Variants in PARD3B observed in about 807,000 individuals in gnomAD.
PARD3B encodes partitioning defective 3 homolog B.
A neutral mutation model predicts 130.2 loss-of-function variants in PARD3B; 103 were observed. The observed-to-expected ratio is 0.79, with a 90% CI of 0.67 to 0.93. The LOEUF is 0.93. PARD3B is among the 40% of genes least tolerant of loss of function. PARD3B has a pLI of 0.00. For missense variants in PARD3B, 1,609 were observed against 1,499.2 expected (o/e 1.07, Z -1.21); for synonymous variants, 583 against 553.2 (o/e 1.05, Z -0.76).
At chr2:205,024,166 T>TC (rs1200947309) in intron 3 of PARD3B, among the ~76,000 whole-genome samples, 8 of 130,246 alleles carry the variant, frequency 6.1e-5, no homozygotes, top group Non-Finnish European at 9.6e-5. Flanking sequence ...TTCTTTCTTT[T>TC]TTTTTTTTTT....
At chr2:204,602,282 C>G (rs1183026784) in intron 1 of PARD3B, among the ~76,000 whole-genome samples, 1 of 152,018 alleles carries the variant, frequency 6.6e-6, no homozygotes, top group East Asian at 1.9e-4. Flanking sequence ...CAAGGAACTT[C>G]TCTCCTCTCA....
In PARD3B at chr2:205,118,970, C is replaced by T. The variant is rs987442524; in HGVS notation, c.730C>T (p.Arg244Trp). 1.1e-5 allele frequency: 17 copies of T among 1,611,250 alleles called. No homozygotes were observed. Among genetic ancestry groups the T allele is most frequent in the African/African-American group, 5.4e-5 (4 of 74,656 alleles). ...CATTGAAGACAACAGCAGGTCCAAG[C>T]GGGAGGGACTATTTCACGAAAATGA... ...RGIEDNSRSK[R>W]EGLFHENECI... is the part of the protein sequence containing the mutation. The change falls in exon 7 of 23, where the codon CGG (arginine) becomes TGG (tryptophan). Residue 244 changes from arginine to tryptophan, a missense_variant. Arg to Trp is a moderately radical substitution (Grantham distance 101). Coordinates refer to ENST00000406610, the MANE Select transcript of PARD3B (RefSeq NM_001302769.2).
At chr2:204,945,721 C>T (rs1689266506) in intron 2 of PARD3B, among the ~76,000 whole-genome samples, 1 of 152,118 alleles carries the variant, frequency 6.6e-6, no homozygotes, top group Non-Finnish European at 1.5e-5. Flanking sequence ...AACACAAGCA[C>T]AAATTATAGG....
At chr2:205,333,061 A>C (rs1361927818) in intron 18 of PARD3B, among the ~76,000 whole-genome samples, 1 of 152,202 alleles carries the variant, frequency 6.6e-6, no homozygotes, top group African/African-American at 2.4e-5. Flanking sequence ...TAAGTTTGTA[A>C]AGTAAAACAA....
At chr2:204,612,490 A>G (rs2033964335) in intron 1 of PARD3B, among the ~76,000 whole-genome samples, 1 of 152,204 alleles carries the variant, frequency 6.6e-6, no homozygotes, top group African/African-American at 2.4e-5. Context: ...AAATTTACAA[A>G]TACATTTCTT....
chr2:204,891,493 C>T (rs947763962), intron 2 of PARD3B, among the ~76,000 whole-genome samples: 1 of 152,170 alleles, frequency 6.6e-6, no homozygotes, highest in African/African-American at 2.4e-5. Flanking sequence ...CACAGTGGGT[C>T]TTGCATAGTG....
At chr2:205,172,181 T>G in intron 11 of PARD3B, 30 bp from the exon 12 acceptor site, 4 of 1,608,182 alleles carry the variant, frequency 2.5e-6, no homozygotes, top group Non-Finnish European at 3.4e-6. Context: ...TTTTCTCTGT[T>G]GAATATTGTT....
At chr2:204,898,039 G>C (rs1231719594) in intron 2 of PARD3B, among the ~76,000 whole-genome samples, 2 of 151,824 alleles carry the variant, frequency 1.3e-5, no homozygotes, top group African/African-American at 4.8e-5. Flanking sequence ...TGGTGCACAT[G>C]TTATAAATGT....
chr2:205,382,304 A>G (rs965457099), intron 18 of PARD3B, among the ~76,000 whole-genome samples: 2 of 151,956 alleles, frequency 1.3e-5, no homozygotes, highest in Admixed American at 6.6e-5. Context: ...ATGTCACTCA[A>G]TTTGGGTTTT....
chr2:204,809,504 T>A (rs925436306), intron 2 of PARD3B, among the ~76,000 whole-genome samples: 1 of 152,194 alleles, frequency 6.6e-6, no homozygotes, highest in Non-Finnish European at 1.5e-5. Flanking sequence ...AGTTAGCCAG[T>A]TATCTCAGCA....
intron 20 of PARD3B, among the ~76,000 whole-genome samples, chr2:205,459,804 G>T (rs2048389920): frequency 6.6e-6 from 1 of 152,174 alleles, no homozygotes; most frequent in Non-Finnish European, 1.5e-5. Context: ...CGTGGCTCAT[G>T]TCTCAGTGTT....
intron 18 of PARD3B, among the ~76,000 whole-genome samples, chr2:205,398,494 A>C (rs537571441): frequency 3.0e-4 from 46 of 152,344 alleles, no homozygotes; most frequent in African/African-American, 9.4e-4. Context: ...GGTTCGCCAG[A>C]GTCCCAAGAC....
At chr2:204,876,422 T>C (rs535637647) in intron 2 of PARD3B, among the ~76,000 whole-genome samples, 5 of 152,326 alleles carry the variant, frequency 3.3e-5, no homozygotes, top group African/African-American at 7.2e-5. Context: ...ATTGGAGATA[T>C]GCTTCTATAG....
intron 2 of PARD3B, among the ~76,000 whole-genome samples, chr2:204,748,796 A>C (rs1443899691): frequency 2.0e-5 from 3 of 152,162 alleles, no homozygotes; most frequent in African/African-American, 7.2e-5. Flanking sequence ...TTGGATAATA[A>C]TTTAGAATAT....
chr2:205,005,058 A>G (rs932416899), intron 3 of PARD3B, among the ~76,000 whole-genome samples: 11 of 151,904 alleles, frequency 7.2e-5, no homozygotes, highest in African/African-American at 2.7e-4. Context: ...TGGTTTTCCT[A>G]TCTTTTTCTC....
At chr2:204,952,764 C>T (rs1467361654) in intron 2 of PARD3B, among the ~76,000 whole-genome samples, 1 of 151,932 alleles carries the variant, frequency 6.6e-6, no homozygotes, top group African/African-American at 2.4e-5. Flanking sequence ...TTCAGGAGGC[C>T]GAGGCAGGCG....
chr2:205,328,919 G>A (rs895910318), intron 18 of PARD3B, among the ~76,000 whole-genome samples: 12 of 152,066 alleles, frequency 7.9e-5, no homozygotes, highest in Non-Finnish European at 1.5e-4. Flanking sequence ...CACAGCAGAC[G>A]GTGAAATAGT....
At chr2:205,317,373 T>G (rs2042597674) in intron 18 of PARD3B, among the ~76,000 whole-genome samples, 4 of 152,178 alleles carry the variant, frequency 2.6e-5, no homozygotes. Context: ...TAAAATAGAA[T>G]GGGATTGGTT....
At chr2:204,682,315 C>CA (rs987875504) in intron 1 of PARD3B, among the ~76,000 whole-genome samples, 20 of 152,228 alleles carry the variant, frequency 1.3e-4, no homozygotes, top group Admixed American at 2.6e-4. Flanking sequence ...GCTGCTTATT[C>CA]AGTGTCTGAA....
Sources: allele counts gnomAD v4.1 joint callset (sites outside exome capture counted in the v4.1 genomes callset), GRCh38; gene constraint gnomAD v4.1.1; transcripts MANE v1.5; gene names NCBI Gene and HGNC (gene_info 2026-07-23, HGNC 2026-07-21).